The following PTPRJ variants were observed in gnomAD, a reference collection of about 807,000 sequenced individuals.
The protein encoded by PTPRJ is receptor-type tyrosine-protein phosphatase eta.
PTPRJ carries 129 observed loss-of-function variants against 141.3 expected under a neutral mutation model. The ratio of observed to expected loss-of-function variants is 0.91; its 90% CI spans 0.79 to 1.06. The LOEUF is 1.06. PTPRJ is among the 50% of genes least tolerant of loss of function. The pLI is 0.00. For synonymous variants in PTPRJ, 610 were observed against 640.5 expected, an observed-to-expected ratio of 0.95 and a Z score of 0.72; for missense variants, 1,601 against 1,679.7, an observed-to-expected ratio of 0.95 and a Z score of 0.82.
chr11:48,116,696 A>G (rs1856574272), intron 3 of PTPRJ, among the ~76,000 whole-genome samples: 1 of 152,254 alleles, frequency 6.6e-6, no homozygotes, highest in African/African-American at 2.4e-5. Flanking sequence ...TAACAGATTT[A>G]AGAAGTGTGA....
intron 1 of PTPRJ, among the ~76,000 whole-genome samples, chr11:47,996,277 G>A (rs965157649): frequency 4.0e-5 from 6 of 149,758 alleles, no homozygotes; most frequent in African/African-American, 1.5e-4. Context: ...GGAGCTTGCA[G>A]TGAGCCAAGA....
chr11:48,077,455 A>T (rs1198173185), intron 1 of PTPRJ, among the ~76,000 whole-genome samples: 1 of 152,106 alleles, frequency 6.6e-6, no homozygotes, highest in Non-Finnish European at 1.5e-5. Context: ...TGAGGCTTGG[A>T]GTGACCGACT....
chr11:48,098,086 C>T (rs1157758143), intron 1 of PTPRJ, among the ~76,000 whole-genome samples: 1 of 152,178 alleles, frequency 6.6e-6, no homozygotes, highest in African/African-American at 2.4e-5. Flanking sequence ...GATCTTGTCC[C>T]CTTTATGACT....
chr11:48,164,507 C>G lies in PTPRJ; in HGVS notation c.3847C>G (p.Gln1283Glu). 2 of 1,608,482 alleles carry G rather than the reference C, an allele frequency of 1.2e-6. No individual in the cohort carries two copies. The highest frequency in any genetic ancestry group is 1.7e-6 in the Non-Finnish European group (2 of 1,178,036). ...DLRMHRPLMV[Q>E]TEDQYVFLNQ... ...TCGAATGCATAGGCCTTTAATGGTGCAGACAGAGGTGAGGCCAAGATCTGT... is the reference window on the plus strand; with the variant it reads ...TCGAATGCATAGGCCTTTAATGGTGGAGACAGAGGTGAGGCCAAGATCTGT... The change falls in exon 24 of 25, where the codon CAG (glutamine) becomes GAG (glutamate). Residue 1283 changes from glutamine (Q) to glutamate (E), a missense_variant. Transcript: ENST00000418331.
intron 22 of PTPRJ, 124 bp from the exon 23 acceptor site, chr11:48,163,334 A>G: frequency 1.2e-6 from 1 of 867,702 alleles, no homozygotes; most frequent in Admixed American, 2.5e-5. Flanking sequence ...GTGCAAATGT[A>G]AAGTTTAATT....
intron 6 of PTPRJ, among the ~76,000 whole-genome samples, chr11:48,127,535 C>T (rs1019774352): frequency 1.3e-5 from 2 of 152,130 alleles, no homozygotes; most frequent in African/African-American, 4.8e-5. Flanking sequence ...TCTCTAAAGT[C>T]AACTTACAAA....
At position 48,136,170 on chromosome 11, in the gene PTPRJ, C is replaced by T; in HGVS notation, c.1747C>T (p.His583Tyr). The T allele has an allele frequency of 1.2e-6, 2 of 1,614,200 alleles. No homozygotes were observed. The highest frequency in any genetic ancestry group is 4.5e-5 in the East Asian group (2 of 44,886). ...CATAGAGTCCAAGCATGGCTCTAAC[C>T]ACACAAGCACGTATGACAAAGCGAT... is the stretch of plus-strand genomic sequence containing the variant. ...LVIESKHGSNHTSTYDKAITL... is the reference protein window; with the variant it reads ...LVIESKHGSNYTSTYDKAITL... The change falls in exon 9 of 25, where the codon CAC becomes TAC. Residue 583 changes from histidine to tyrosine, a missense_variant. Transcript: ENST00000418331.
chr11:47,984,674 T>C (rs1854001506), intron 1 of PTPRJ, among the ~76,000 whole-genome samples: 1 of 152,076 alleles, frequency 6.6e-6, no homozygotes, highest in Non-Finnish European at 1.5e-5. Flanking sequence ...TTCTCTTACC[T>C]CAGCCTCCCG....
At chr11:48,139,859 A>G (rs1857192956) in intron 11 of PTPRJ, 83 bp downstream of exon 11, 2 of 1,372,376 alleles carry the variant, frequency 1.5e-6, no homozygotes, top group Non-Finnish European at 2.0e-6. Flanking sequence ...GCACGTGTGG[A>G]CTAGAAATCT....
chr11:48,137,234 G>T lies in PTPRJ; in HGVS notation c.2105G>T (p.Gly702Val). 9.9e-6 allele frequency: 16 copies of T among 1,613,772 alleles called. No individual in the cohort carries two copies. Among genetic ancestry groups the T allele is most frequent in the Non-Finnish European group, 1.2e-5 (14 of 1,179,866 alleles). The change falls in exon 10 of 25, where the codon GGG becomes GTG. Residue 702 changes from glycine to valine, a missense_variant. By Grantham distance (109) the Gly-to-Val change is moderately radical. Transcript: ENST00000418331. ...ACAGTGGAGATCTTTGCACAAGTAG[G>T]GGATGGGATCAAGTCACTGGAACCT... The part of the protein sequence containing the change: ...SYTVEIFAQV[G>V]DGIKSLEPGR...
At chr11:48,062,800 A>G (rs893051740) in intron 1 of PTPRJ, among the ~76,000 whole-genome samples, 3 of 152,214 alleles carry the variant, frequency 2.0e-5, no homozygotes, top group Non-Finnish European at 2.9e-5. Flanking sequence ...CAACAGGTGC[A>G]TACTTAGGTA....
In PTPRJ at chr11:48,009,040, A is replaced by G. The variant is rs78318898; in HGVS notation, c.96+28032A>G. 9.1e-3 allele frequency among the ~76,000 whole-genome samples: 1,386 copies of G among 152,314 alleles called. 23 individuals carry two copies. Among genetic ancestry groups the G allele is most frequent in the African/African-American group, 0.032 (1,338 of 41,558 alleles). ...TACTCATCCTTGTATAAGATAAGTC[A>G]CACAATGAGTGGTATCAGGGTTGCA... On this transcript the variant is annotated intron_variant, in intron 1 of 24. Transcript: ENST00000418331.
chr11:48,145,089 G>A lies in PTPRJ; in HGVS notation c.2876G>A (p.Arg959His), dbSNP rs183923997. 3.5e-4 allele frequency: 560 copies of A among 1,614,108 alleles called. No individual in the cohort carries two copies. The highest frequency in any genetic ancestry group is 4.4e-4 in the Non-Finnish European group (519 of 1,180,006). The change falls in exon 14 of 25, where the codon CGC (arginine) becomes CAC (histidine). Residue 959 changes from arginine to histidine, a missense_variant. Coordinates refer to ENST00000418331, the MANE Select transcript of PTPRJ (RefSeq NM_002843.4). ...GCTGAGAGCTATGTGTCCTTCAGTC[G>A]CTACTCAGATGCTGTTTCCTTGCCC... ...DGAESYVSFSRYSDAVSLPQD... is the reference protein window; with the variant it reads ...DGAESYVSFSHYSDAVSLPQD...
At chr11:48,028,615 A>AC (rs1853888094) in intron 1 of PTPRJ, among the ~76,000 whole-genome samples, 2 of 152,094 alleles carry the variant, frequency 1.3e-5, no homozygotes, top group Non-Finnish European at 2.9e-5. Flanking sequence ...ACGTGGTGAA[A>AC]CCCCGTCTCT....
intron 8 of PTPRJ, among the ~76,000 whole-genome samples, chr11:48,134,869 T>C (rs886684206): frequency 3.3e-5 from 5 of 152,178 alleles, no homozygotes; most frequent in Non-Finnish European, 7.4e-5. Flanking sequence ...GGTGTGCCTG[T>C]TTTCTTCCCT....
chr11:48,104,338 C>G (rs1372248321), intron 1 of PTPRJ, among the ~76,000 whole-genome samples: 3 of 152,198 alleles, frequency 2.0e-5, no homozygotes, highest in Non-Finnish European at 4.4e-5. Context: ...GGATAATCTT[C>G]ACAAGGCAGA....
rs1292517596 is a variant in PTPRJ, at chr11:48,123,845, C to A, written c.849C>A (p.Asp283Glu). Residue 283 changes from aspartate to glutamate, a missense_variant, in exon 5 of 25, where the codon GAC (aspartate) becomes GAA (glutamate). Transcript: ENST00000418331. ...YLLQSNKTKGDPLGTEGGLDA... is the reference protein window; with the variant it reads ...YLLQSNKTKGEPLGTEGGLDA... ...TACAATCAAATAAGACAAAGGGAGA[C>A]CCCTTGGGCACAGAAGGTGGCTTGG... The A allele has an allele frequency of 1.2e-6, 2 of 1,613,928 alleles. No homozygotes were observed. The highest frequency in any genetic ancestry group is 1.7e-6 in the Non-Finnish European group (2 of 1,179,960).
intron 14 of PTPRJ, among the ~76,000 whole-genome samples, chr11:48,145,558 G>GTTTTTT (rs574426609): frequency 1.7e-5 from 2 of 117,504 alleles, no homozygotes; most frequent in Non-Finnish European, 3.3e-5. Flanking sequence ...TTTATTTTAT[G>GTTTTTT]TTTTTTTTTT....
Position 48,144,994 on chromosome 11 carries a change from C to T in PTPRJ, c.2787-6C>T. The T allele has an allele frequency of 6.2e-7, 1 of 1,614,128 alleles. No homozygotes were observed. Among genetic ancestry groups the T allele is most frequent in the Non-Finnish European group, 8.5e-7 (1 of 1,180,008 alleles). On this transcript the variant is annotated splice_region_variant and splice_polypyrimidine_tract_variant and intron_variant, in intron 13 of 24. Coordinates refer to ENST00000418331, the MANE Select transcript of PTPRJ (RefSeq NM_002843.4). ...GGACCTCTTTTTGCTCTTTGTTATCCCACAGGGCTTGTGTGGCTGGCTTCA... is the reference window on the plus strand; with the variant it reads ...GGACCTCTTTTTGCTCTTTGTTATCTCACAGGGCTTGTGTGGCTGGCTTCA...
Sources: gnomAD v4.1 joint callset for allele counts (sites outside exome capture counted in the v4.1 genomes callset) on GRCh38, gnomAD v4.1.1 for gene constraint, MANE v1.5 for transcripts, NCBI Gene and HGNC (gene_info 2026-07-23, HGNC 2026-07-21) for gene names.